RALYL: variants seen among roughly 807,000 people sequenced by gnomAD.
RALYL encodes the protein RALY RNA binding protein like.
In RALYL, 29 loss-of-function variants were observed where a neutral mutation model predicts 35.1. The ratio of observed to expected loss-of-function variants is 0.83; its 90% CI spans 0.61 to 1.13. RALYL has a LOEUF of 1.13. Ranked by LOEUF, RALYL falls within the 50% of genes most tolerant of loss-of-function variation. The probability of loss-of-function intolerance (pLI) is 0.00; values close to 1 mark genes in which losing one functional copy is unlikely to be tolerated. For synonymous variants in RALYL, 120 were observed against 127.6 expected (o/e 0.94, Z 0.40); for missense variants, 359 against 360.4 (o/e 1.00, Z 0.03).
chr8:84,904,532 A>G (rs1199569977), intron 8 of RALYL, among the ~76,000 whole-genome samples: 1 of 152,190 alleles, frequency 6.6e-6, no homozygotes, highest in Non-Finnish European at 1.5e-5. Context: ...ATGTGAACAC[A>G]TGCTTATGAG....
chr8:84,606,254 G>T (rs1199726767), intron 2 of RALYL, among the ~76,000 whole-genome samples: 3 of 152,070 alleles, frequency 2.0e-5, no homozygotes, highest in African/African-American at 7.2e-5. Flanking sequence ...CTGATAATTG[G>T]TCTGCAGCAG....
intron 1 of RALYL, among the ~76,000 whole-genome samples, chr8:84,400,700 A>C (rs926753802): frequency 6.6e-6 from 1 of 152,134 alleles, no homozygotes; most frequent in African/African-American, 2.4e-5. Context: ...GTGCATGTAA[A>C]TTTTGGACAT....
intron 4 of RALYL, among the ~76,000 whole-genome samples, chr8:84,815,483 A>AAAT (rs1827000215): frequency 6.7e-6 from 1 of 148,620 alleles, no homozygotes; most frequent in African/African-American, 2.4e-5. Context: ...ATTATAAATA[A>AAAT]AATATATTTA....
intron 1 of RALYL, among the ~76,000 whole-genome samples, chr8:84,399,128 G>A (rs574794424): frequency 2.6e-5 from 4 of 152,280 alleles, no homozygotes; most frequent in Admixed American, 1.3e-4. Flanking sequence ...TTCAGGCAAA[G>A]CATTTCATTC....
Position 84,849,974 on chromosome 8 carries a change from CTT to C in RALYL, c.366-4_366-3del, listed in dbSNP as rs1835494620. 4 of 1,467,512 alleles carry C rather than the reference CTT, an allele frequency of 2.7e-6. No individual in the cohort carries two copies. Among genetic ancestry groups the C allele is most frequent in the Non-Finnish European group, 3.6e-6 (4 of 1,099,218 alleles). 90.9% of individuals were successfully genotyped at this position (1,467,512 alleles called of 1,614,324 possible). A position where few individuals can be genotyped will look rare whatever the true frequency, so the allele number is the denominator to read the frequency against. ...TGCCAACTAATTTTTTTGTTTCCCT[CTT>C]TAGCGGTTATGTCTTTGACTATGAT... On this transcript the variant is annotated splice_region_variant and splice_polypyrimidine_tract_variant and intron_variant, in intron 4 of 8. Transcript: ENST00000521268.
At chr8:84,218,008 T>C (rs1821244257) in intron 1 of RALYL, among the ~76,000 whole-genome samples, 1 of 152,114 alleles carries the variant, frequency 6.6e-6, no homozygotes, top group Non-Finnish European at 1.5e-5. Flanking sequence ...TTCTTAGCAT[T>C]TTCAAGTGAT....
intron 2 of RALYL, among the ~76,000 whole-genome samples, chr8:84,578,317 G>T (rs550924259): frequency 6.6e-6 from 1 of 152,352 alleles, no homozygotes; most frequent in East Asian, 1.9e-4. Context: ...GAAGCTTAGA[G>T]CTGCAACCAC....
chr8:84,272,110 GA>G (rs1834417722), intron 1 of RALYL, among the ~76,000 whole-genome samples: 2 of 151,462 alleles, frequency 1.3e-5, no homozygotes, highest in South Asian at 2.1e-4. Context: ...TGTTTTTTTG[GA>G]GATGGAGTTT....
chr8:84,586,754 A>G (rs1327048757), intron 2 of RALYL, among the ~76,000 whole-genome samples: 1 of 152,192 alleles, frequency 6.6e-6, no homozygotes, highest in African/African-American at 2.4e-5. Context: ...GGTCAATCCC[A>G]TATACTTATT....
intron 1 of RALYL, among the ~76,000 whole-genome samples, chr8:84,488,560 A>G (rs965791697): frequency 6.6e-6 from 1 of 151,554 alleles, no homozygotes; most frequent in Non-Finnish European, 1.5e-5. Context: ...GGCTGCTTGA[A>G]CTCTAAATTT....
intron 3 of RALYL, among the ~76,000 whole-genome samples, chr8:84,803,694 C>T (rs1017889717): frequency 5.9e-5 from 9 of 152,304 alleles, no homozygotes; most frequent in South Asian, 2.1e-4. Context: ...TGGTATATGG[C>T]GGAGATGCAT....
intron 1 of RALYL, among the ~76,000 whole-genome samples, chr8:84,457,185 T>A (rs369985935): frequency 6.6e-6 from 1 of 151,964 alleles, no homozygotes; most frequent in African/African-American, 2.4e-5. Context: ...GTATTTGCTC[T>A]GCATTAACAA....
At chr8:84,920,870 TA>T in intron 8 of RALYL, 23 bp from the exon 9 acceptor site, 3 of 1,227,120 alleles carry the variant, frequency 2.4e-6, no homozygotes, top group Non-Finnish European at 3.4e-6. Flanking sequence ...CTCTGTATTT[TA>T]AAATTTTTTT....
chr8:84,211,280 A>C (rs1819436148), intron 1 of RALYL, among the ~76,000 whole-genome samples: 1 of 152,140 alleles, frequency 6.6e-6, no homozygotes, highest in African/African-American at 2.4e-5. Flanking sequence ...TTACTTAAAG[A>C]TCATAAGAAT....
chr8:84,828,834 A>T (rs1417442882), intron 4 of RALYL: 1 of 154,088 alleles, frequency 6.5e-6, no homozygotes, highest in Non-Finnish European at 1.5e-5. Flanking sequence ...CAACACTGTC[A>T]CCGAGTCACA....
At chr8:84,201,224 T>C (rs978121648) in intron 1 of RALYL, among the ~76,000 whole-genome samples, 1 of 141,128 alleles carries the variant, frequency 7.1e-6, no homozygotes, top group East Asian at 2.0e-4. Flanking sequence ...AAGAAATACT[T>C]CAAATTTATA....
intron 4 of RALYL, among the ~76,000 whole-genome samples, chr8:84,834,909 A>C (rs1261045677): frequency 6.6e-6 from 1 of 152,244 alleles, no homozygotes; most frequent in Non-Finnish European, 1.5e-5. Context: ...TTCAGAGCTT[A>C]TGATCTAGTG....
chr8:84,250,453 C>T (rs2131664267), intron 1 of RALYL, among the ~76,000 whole-genome samples: 2 of 152,002 alleles, frequency 1.3e-5, no homozygotes, highest in African/African-American at 4.8e-5. Flanking sequence ...GCAACCTCTG[C>T]CTCCTGGGTT....
chr8:84,864,312 A>G (rs1215431830), intron 6 of RALYL, among the ~76,000 whole-genome samples: 2 of 152,110 alleles, frequency 1.3e-5, no homozygotes, highest in African/African-American at 4.8e-5. Flanking sequence ...GGTGTGTTTT[A>G]TTTTTTAGCA....
Sources: gnomAD v4.1 joint callset for allele counts (sites outside exome capture counted in the v4.1 genomes callset) on GRCh38, gnomAD v4.1.1 for gene constraint, MANE v1.5 for transcripts, NCBI Gene and HGNC (gene_info 2026-07-23, HGNC 2026-07-21) for gene names.